The following CRYBG3 variants were observed in gnomAD, a reference collection of about 807,000 sequenced individuals.
The protein encoded by CRYBG3 is very large A-kinase anchor protein.
A neutral mutation model predicts 244.2 loss-of-function variants in CRYBG3; 127 were observed. That is an observed-to-expected ratio of 0.52 (90% CI 0.45 to 0.60). The LOEUF is 0.60. CRYBG3 is among the 20% of genes least tolerant of loss of function. The pLI is 0.00. For missense variants in CRYBG3, 3,325 were observed against 3,442.5 expected (o/e 0.97, Z 0.85); for synonymous variants, 1,132 against 1,195.8 (o/e 0.95, Z 1.10).
rs919688629 is a variant in CRYBG3 at position 97,889,350 on chromosome 3, T to C, written c.7405-5T>C. On this transcript the variant is annotated splice_polypyrimidine_tract_variant and splice_region_variant and intron_variant, in intron 9 of 21. Coordinates refer to ENST00000389622, the MANE Select transcript of CRYBG3 (RefSeq NM_153605.4). ...TCTAATATTAAACTATCTTGTCATCTTAAGGGTGGACTGAAAGTGGAAATG... is the reference window on the plus strand; with the variant it reads ...TCTAATATTAAACTATCTTGTCATCCTAAGGGTGGACTGAAAGTGGAAATG... 6.2e-7 allele frequency: 1 copy of C among 1,603,354 alleles called. No homozygotes were observed. Among genetic ancestry groups the C allele is most frequent in the East Asian group, 2.2e-5 (1 of 44,784 alleles).
chr3:97,865,577 A>G (rs574942208), intron 3 of CRYBG3, among the ~76,000 whole-genome samples: 3 of 152,230 alleles, frequency 2.0e-5, no homozygotes, highest in African/African-American at 4.8e-5. Flanking sequence ...GGCTTGTTCA[A>G]CCTGATGTTA....
chr3:97,855,638 G>A (rs905639840), intron 2 of CRYBG3, among the ~76,000 whole-genome samples: 5 of 152,106 alleles, frequency 3.3e-5, no homozygotes, highest in East Asian at 1.9e-4. Flanking sequence ...TTCCTTAAGC[G>A]TCAGCTGGCT....
Position 97,877,638 on chromosome 3 carries a change from GGAA to G in CRYBG3, c.6450_6452del (p.Glu2154del). ...AAGATGACAGAGAGGCAGCTGATGA[GGAA>G]GAAGAGGAGGAGGAGGCAGCAGTAT... On this transcript the variant is annotated inframe_deletion, in exon 4 of 22. Coordinates refer to ENST00000389622, the MANE Select transcript of CRYBG3 (RefSeq NM_153605.4). The G allele has an allele frequency of 3.7e-6, 6 of 1,614,108 alleles. No homozygotes were observed. Among genetic ancestry groups the G allele is most frequent in the Non-Finnish European group, 5.1e-6 (6 of 1,180,010 alleles).
chr3:97,858,630 C>T (rs1021671719), intron 2 of CRYBG3, among the ~76,000 whole-genome samples: 2 of 152,056 alleles, frequency 1.3e-5, no homozygotes, highest in African/African-American at 4.8e-5. Flanking sequence ...AGTTTATTCA[C>T]TGAATTTTTT....
At chr3:97,890,672 C>T (rs1445420048) in intron 10 of CRYBG3, among the ~76,000 whole-genome samples, 1 of 152,096 alleles carries the variant, frequency 6.6e-6, no homozygotes, top group Admixed American at 6.6e-5. Flanking sequence ...TATTGTTTCC[C>T]TAATATTATC....
chr3:97,912,740 G>A (rs1253102569), intron 16 of CRYBG3, among the ~76,000 whole-genome samples: 4 of 151,990 alleles, frequency 2.6e-5, no homozygotes, highest in African/African-American at 9.7e-5. Flanking sequence ...TCAGACCCAT[G>A]ATTCCTTTGG....
At chr3:97,921,792 A>G (rs2039987381) in intron 17 of CRYBG3, among the ~76,000 whole-genome samples, 1 of 152,172 alleles carries the variant, frequency 6.6e-6, no homozygotes, top group East Asian at 1.9e-4. Context: ...TATTGCATAA[A>G]ACATTTAAGC....
rs1321859673 is a variant in CRYBG3 at position 97,872,065 on chromosome 3, T to C, written c.871T>C (p.Ser291Pro). 9 of 1,535,658 alleles carry C rather than the reference T, an allele frequency of 5.9e-6. No individual in the cohort carries two copies. Among genetic ancestry groups the C allele is most frequent in the Middle Eastern group, 1.7e-4 (1 of 6,006 alleles). ...PLLLSASTDS[S>P]MKGNLLEGPL... ...GTTGTTATCAGCTAGTACAGACTCA[T>C]CTATGAAAGGAAATCTACTTGAAGG... Residue 291 changes from serine to proline, a missense_variant, in exon 4 of 22, where the codon TCT becomes CCT. Transcript: ENST00000389622.
chr3:97,843,668 A>C (rs2038855550), intron 2 of CRYBG3, among the ~76,000 whole-genome samples: 1 of 152,152 alleles, frequency 6.6e-6, no homozygotes, highest in Non-Finnish European at 1.5e-5. Context: ...GAAGTTAATA[A>C]TCTGTTTCTA....
chr3:97,886,655 C>G lies in CRYBG3; in HGVS notation c.7177C>G (p.Leu2393Val), dbSNP rs750697238. 15 of 1,604,240 alleles carry G rather than the reference C, an allele frequency of 9.4e-6. No homozygotes were observed. Among genetic ancestry groups the G allele is most frequent in the Non-Finnish European group, 1.3e-5 (15 of 1,177,288 alleles). The change falls in exon 8 of 22, where the codon CTT becomes GTT. Residue 2393 changes from leucine to valine, a missense_variant. By Grantham distance (32) the Leu-to-Val change is conservative (BLOSUM62 1). Coordinates refer to ENST00000389622, the MANE Select transcript of CRYBG3 (RefSeq NM_153605.4). ...GGACTGCAGCATTCCAGAAATAGAG[C>G]TTTTCCCACAATCTGACCCAGCCTG... ...LKDCSIPEIE[L>V]FPQSDPACCP... is the part of the protein sequence containing the mutation.
chr3:97,940,944 T>C (rs548218283), intron 19 of CRYBG3, among the ~76,000 whole-genome samples: 1 of 151,932 alleles, frequency 6.6e-6, no homozygotes, highest in Non-Finnish European at 1.5e-5. Flanking sequence ...CAAAGTGTAA[T>C]AGAGACTGTA....
intron 18 of CRYBG3, among the ~76,000 whole-genome samples, chr3:97,936,464 A>T (rs557461864): frequency 1.3e-4 from 20 of 152,060 alleles, no homozygotes; most frequent in Non-Finnish European, 2.9e-4. Flanking sequence ...GCTGGTTAAT[A>T]GGAGGTTATG....
At chr3:97,832,485 A>G (rs917906107) in intron 1 of CRYBG3, among the ~76,000 whole-genome samples, 7 of 152,196 alleles carry the variant, frequency 4.6e-5, no homozygotes, top group African/African-American at 1.7e-4. Flanking sequence ...TCCCTATTTA[A>G]TAAATGGTTT....
intron 16 of CRYBG3, 84 bp from the exon 17 acceptor site, chr3:97,915,526 T>TACCCCA: frequency 1.4e-6 from 2 of 1,446,122 alleles, no homozygotes; most frequent in South Asian, 2.8e-5. Context: ...GCCCTACCCC[T>TACCCCA]ACCCCAATTC....
intron 1 of CRYBG3, among the ~76,000 whole-genome samples, chr3:97,832,420 C>G (rs2038666866): frequency 6.6e-6 from 1 of 152,076 alleles, no homozygotes; most frequent in Admixed American, 6.5e-5. Flanking sequence ...TGCCACACAT[C>G]TACAACCATC....
intron 1 of CRYBG3, among the ~76,000 whole-genome samples, chr3:97,839,124 G>A (rs2038776763): frequency 6.6e-6 from 1 of 152,080 alleles, no homozygotes; most frequent in African/African-American, 2.4e-5. Flanking sequence ...AATAAAATGT[G>A]TGCTTTCTAA....
chr3:97,866,132 T>C (rs1036647751), intron 3 of CRYBG3, among the ~76,000 whole-genome samples: 1 of 152,232 alleles, frequency 6.6e-6, no homozygotes, highest in Non-Finnish European at 1.5e-5. Context: ...GAGAGTTTTT[T>C]CCCCTGTTAA....
intron 2 of CRYBG3, among the ~76,000 whole-genome samples, chr3:97,845,966 G>A (rs181636786): frequency 2.4e-4 from 36 of 152,076 alleles, no homozygotes; most frequent in Non-Finnish European, 4.4e-4. Context: ...CTTTCTGCTC[G>A]GACTCCTGTT....
At chr3:97,886,558 T>C (rs1459499108) in intron 7 of CRYBG3, 73 bp from the exon 8 acceptor site, 3 of 1,171,460 alleles carry the variant, frequency 2.6e-6, no homozygotes, top group Non-Finnish European at 3.6e-6. Context: ...TGTAACTGTA[T>C]GTCCAGGACA....
Sources: allele counts gnomAD v4.1 joint callset (sites outside exome capture counted in the v4.1 genomes callset), GRCh38; gene constraint gnomAD v4.1.1; transcripts MANE v1.5; gene names NCBI Gene and HGNC (gene_info 2026-07-23, HGNC 2026-07-21).